Variants in STXBP3 observed in about 807,000 individuals in gnomAD.
The protein encoded by STXBP3 is syntaxin binding protein 3.
In STXBP3, 41 loss-of-function variants were observed where a neutral mutation model predicts 85.7. The observed-to-expected ratio is 0.48, with a 90% CI of 0.37 to 0.62. The LOEUF (loss-of-function observed/expected upper bound fraction) is 0.62, where lower values mean the gene tolerates loss of function less well. STXBP3 is among the 20% of genes least tolerant of loss of function. STXBP3 has a pLI of 0.00. For synonymous variants in STXBP3, 229 were observed against 231.7 expected (o/e 0.99, Z 0.10); for missense variants, 563 against 703.1 (o/e 0.80, Z 2.25).
Position 108,746,722 on chromosome 1 carries a change from C to G in STXBP3, c.-16C>G, listed in dbSNP as rs1439414829. 1.3e-6 allele frequency: 2 copies of G among 1,548,810 alleles called. No individual in the cohort carries two copies. The highest frequency in any genetic ancestry group is 2.5e-5 in the East Asian group (1 of 40,612). ...GGAGTGGAAGGTGGTGGCTGCTGCT[C>G]CGCAGTGTCGGGAAGATGGCGCCGC... On this transcript the variant is annotated 5_prime_UTR_variant, in exon 1 of 19. Coordinates refer to ENST00000370008, the MANE Select transcript of STXBP3 (RefSeq NM_007269.4).
intron 1 of STXBP3, among the ~76,000 whole-genome samples, chr1:108,747,969 G>A (rs1310880827): frequency 6.6e-6 from 1 of 152,138 alleles, no homozygotes; most frequent in African/African-American, 2.4e-5. Flanking sequence ...TAATTTCCAA[G>A]ATATATATGT....
Position 108,808,882 on chromosome 1 carries a change from T to G in STXBP3, c.*5T>G. On this transcript the variant is annotated 3_prime_UTR_variant, in exon 19 of 19. Transcript: ENST00000370008. ...TCCTTAATTAAAGATGAATAGCATT[T>G]CTTTTTGGAGGGTTTAGAGATTCTT... The G allele has an allele frequency of 6.3e-7, 1 of 1,580,974 alleles. No homozygotes were observed. The highest frequency in any genetic ancestry group is 1.1e-5 in the South Asian group (1 of 87,250).
rs1177913157 is a variant in STXBP3, at chr1:108,760,040, A to C, written c.393A>C (p.Arg131Ser). The change falls in exon 6 of 19, where the codon AGA (arginine) becomes AGC (serine). Residue 131 changes from arginine to serine, a missense_variant. Coordinates refer to ENST00000370008, the MANE Select transcript of STXBP3 (RefSeq NM_007269.4). Reference protein sequence around the residue: ...KIKASCSKSIRRCKEINISFI... With the variant: ...KIKASCSKSISRCKEINISFI... ...AGGCTTCTTGCTCCAAGTCAATAAG[A>C]AGATGTAAAGAAATAAATATTTCCT... is the stretch of plus-strand genomic sequence containing the variant. The C allele has an allele frequency of 2.5e-6, 4 of 1,574,598 alleles. No individual in the cohort carries two copies. Among genetic ancestry groups the C allele is most frequent in the Non-Finnish European group, 3.4e-6 (4 of 1,165,896 alleles).
At chr1:108,777,911 C>T (rs964694489) in intron 8 of STXBP3, among the ~76,000 whole-genome samples, 4 of 152,068 alleles carry the variant, frequency 2.6e-5, no homozygotes, top group Admixed American at 6.5e-5. Context: ...TTTTTGAGGG[C>T]TTACTGTGCT....
intron 11 of STXBP3, among the ~76,000 whole-genome samples, chr1:108,791,593 C>T (rs1036792533): frequency 6.6e-5 from 10 of 151,910 alleles, no homozygotes; most frequent in African/African-American, 2.2e-4. Flanking sequence ...GACTTTGAGT[C>T]CCCTACTTCT....
intron 11 of STXBP3, among the ~76,000 whole-genome samples, chr1:108,784,799 A>G (rs1557810928): frequency 6.6e-6 from 1 of 152,222 alleles, no homozygotes; most frequent in Non-Finnish European, 1.5e-5. Context: ...GCATTGGGTA[A>G]ATACACCTGT....
intron 3 of STXBP3, among the ~76,000 whole-genome samples, chr1:108,755,636 A>G (rs1008667787): frequency 6.6e-6 from 1 of 152,154 alleles, no homozygotes; most frequent in African/African-American, 2.4e-5. Context: ...AATCATATTT[A>G]TCACAGTATT....
chr1:108,772,118 CAT>C lies in STXBP3; in HGVS notation c.439-541_439-540del, dbSNP rs1662462533. Among the ~76,000 whole-genome samples the C allele has an allele frequency of 3.8e-5, 5 of 131,146 alleles. 1 individual carries two copies. Among genetic ancestry groups the C allele is most frequent in the East Asian group, 2.1e-4 (1 of 4,750 alleles). 86.0% of individuals were successfully genotyped at this position (131,146 alleles called of 152,430 possible). ...ATACATATGATATCTATCTATATAT[CAT>C]ATATAAATACATATGATATCTATCT... On this transcript the variant is annotated intron_variant, in intron 6 of 18. Coordinates refer to ENST00000370008, the MANE Select transcript of STXBP3 (RefSeq NM_007269.4).
intron 15 of STXBP3, among the ~76,000 whole-genome samples, chr1:108,797,651 G>T (rs188437124): frequency 9.9e-5 from 15 of 151,948 alleles, no homozygotes; most frequent in African/African-American, 3.6e-4. Flanking sequence ...CAGGTGATCT[G>T]CCCGCCTCAG....
At chr1:108,754,908 A>T (rs1661986421) in intron 3 of STXBP3, among the ~76,000 whole-genome samples, 1 of 152,148 alleles carries the variant, frequency 6.6e-6, no homozygotes, top group African/African-American at 2.4e-5. Context: ...CTATGGTTTA[A>T]TTGTAGTCAT....
chr1:108,798,061 T>C (rs1663147814), intron 15 of STXBP3, 84 bp from the exon 16 acceptor site: 1 of 1,141,074 alleles, frequency 8.8e-7, no homozygotes, highest in South Asian at 1.5e-5. Flanking sequence ...TACTGGTAAA[T>C]TAAATATCTT....
chr1:108,798,191 C>T lies in STXBP3; in HGVS notation c.1403C>T (p.Thr468Ile). The T allele has an allele frequency of 1.9e-6, 3 of 1,612,096 alleles. No homozygotes were observed. The highest frequency in any genetic ancestry group is 1.7e-5 in the Admixed American group (1 of 59,644). ...AGAAAGGATCGGTCTGCAGAAGAAA[C>T]TTTTCAGCTCTCTCGGTGGACACCT... The part of the protein sequence containing the change: ...PLRKDRSAEE[T>I]FQLSRWTPFI... Residue 468 changes from threonine (T) to isoleucine (I), a missense_variant, in exon 16 of 19, where the codon ACT becomes ATT. Thr to Ile is a moderately conservative substitution (Grantham distance 89). Transcript: ENST00000370008.
At chr1:108,779,231 A>G (rs947990069) in intron 8 of STXBP3, 55 bp from the exon 9 acceptor site, 14 of 1,562,030 alleles carry the variant, frequency 9.0e-6, no homozygotes, top group Middle Eastern at 1.7e-4. Context: ...TATTAAAACT[A>G]TGTTCACACT....
At position 108,808,976 on chromosome 1, in the gene STXBP3, A is replaced by G; in HGVS notation, c.*99A>G. ...GTAATTTAAACAATGTAAATATTTT[A>G]TGGAATAATGGCTTTTCAAATACAT... On this transcript the variant is annotated 3_prime_UTR_variant, in exon 19 of 19. Coordinates refer to ENST00000370008, the MANE Select transcript of STXBP3 (RefSeq NM_007269.4). 1 of 761,392 alleles carries G rather than the reference A, an allele frequency of 1.3e-6. No homozygotes were observed. Among genetic ancestry groups the G allele is most frequent in the Non-Finnish European group, 2.1e-6 (1 of 471,386 alleles). The allele number at this position is 761,392 out of a possible 1,614,324, so 47.2% of individuals were successfully genotyped here.
chr1:108,795,324 T>G (rs1247974015), intron 13 of STXBP3, among the ~76,000 whole-genome samples: 1 of 152,052 alleles, frequency 6.6e-6, no homozygotes, highest in East Asian at 1.9e-4. Flanking sequence ...TTTTAATTAT[T>G]CTAATAGCCA....
chr1:108,762,813 T>C (rs1016258194), intron 6 of STXBP3, among the ~76,000 whole-genome samples: 1 of 152,182 alleles, frequency 6.6e-6, no homozygotes, highest in Non-Finnish European at 1.5e-5. Context: ...GTAGGACAGC[T>C]AAAAGGACAA....
At chr1:108,765,433 A>G (rs942388773) in intron 6 of STXBP3, among the ~76,000 whole-genome samples, 3 of 152,342 alleles carry the variant, frequency 2.0e-5, no homozygotes, top group South Asian at 2.1e-4. Context: ...CAGCAAAACA[A>G]TCTAGTTCCC....
chr1:108,758,266 A>G (rs1570748525), intron 4 of STXBP3, among the ~76,000 whole-genome samples: 1 of 117,690 alleles, frequency 8.5e-6, no homozygotes, highest in Non-Finnish European at 1.8e-5. Flanking sequence ...ATATTACCTT[A>G]CTCTTTTTTT....
intron 7 of STXBP3, among the ~76,000 whole-genome samples, chr1:108,773,601 AGCAGCTCATG>A (rs975562067): frequency 2.6e-5 from 4 of 152,194 alleles, no homozygotes; most frequent in African/African-American, 9.6e-5. Context: ...AGCTCATCCC[AGCAGCTCATG>A]GCACAAGGCA....
Sources: allele counts gnomAD v4.1 joint callset (sites outside exome capture counted in the v4.1 genomes callset), GRCh38; gene constraint gnomAD v4.1.1; transcripts MANE v1.5; gene names NCBI Gene and HGNC (gene_info 2026-07-23, HGNC 2026-07-21).